PABPC4: variants seen among roughly 807,000 people sequenced by gnomAD.
The protein encoded by PABPC4 is poly(A) binding protein cytoplasmic 4.
PABPC4 carries 15 observed loss-of-function variants against 74.5 expected under a neutral mutation model. That is an observed-to-expected ratio of 0.20 (90% confidence interval 0.13 to 0.31). The LOEUF (loss-of-function observed/expected upper bound fraction) is 0.31, where lower values mean the gene tolerates loss of function less well. Among genes scored for constraint, PABPC4 ranks in the 10% least tolerant of loss-of-function variants. The pLI, the probability that PABPC4 is intolerant of heterozygous loss-of-function variation, is 1.00. For missense variants in PABPC4, 610 were observed against 853.5 expected, an observed-to-expected ratio of 0.71 and a Z score of 3.55; for synonymous variants, 345 against 303.0, an observed-to-expected ratio of 1.14 and a Z score of -1.44.
chr1:39,572,029 G>A (rs56803412), intron 2 of PABPC4, among the ~76,000 whole-genome samples: 3,722 of 152,324 alleles, frequency 0.024, 147 homozygotes, highest in African/African-American at 0.082. Flanking sequence ...GCTCAGCATA[G>A]AACAGATACG....
chr1:39,561,827 C>A lies in PABPC4; in HGVS notation c.1894-40G>T, dbSNP rs375435614. The A allele has an allele frequency of 1.4e-5, 22 of 1,542,956 alleles. No homozygotes were observed. In the African/African-American group the frequency reaches 2.2e-4, roughly 15 times the overall value. ...CAGGTGGTCAGTGAATCTAGGAGAG[C>A]TACTCCACCCCTCCCCAGTGCCCAG... On this transcript the variant is annotated intron_variant, in intron 14 of 15. Transcript: ENST00000372858.
At position 39,571,279 on chromosome 1, in the gene PABPC4, T is replaced by G; in HGVS notation, c.458A>C (p.Lys153Thr). ...CATGCCATTCATCTTCTCGATGGCC[T>G]TGTCGGCAGCCTCTTGGGTCTCGAA... Reference protein sequence around the residue: ...VHFETQEAADKAIEKMNGMLL... With the variant: ...VHFETQEAADTAIEKMNGMLL... Residue 153 changes from lysine to threonine, a missense_variant, in exon 3 of 16, where the codon AAG becomes ACG. Lys to Thr is a moderately conservative substitution (Grantham distance 78, BLOSUM62 -1). Around this residue, in one of 4 missense-constraint regions of PABPC4, gnomAD observed 304 missense variants for 478.9 expected, o/e 0.63. Coordinates refer to ENST00000372858, the MANE Select transcript of PABPC4 (RefSeq NM_001135653.2). The G allele has an allele frequency of 6.2e-7, 1 of 1,614,216 alleles. No homozygotes were observed.
chr1:39,565,586 T>C (rs1019615663), intron 7 of PABPC4, among the ~76,000 whole-genome samples: 2 of 152,032 alleles, frequency 1.3e-5, no homozygotes, highest in Non-Finnish European at 2.9e-5. Flanking sequence ...TCCCAGCACT[T>C]TGGGAGGCCG....
intron 1 of PABPC4, among the ~76,000 whole-genome samples, chr1:39,574,750 T>C (rs1343765127): frequency 6.6e-6 from 1 of 152,226 alleles, no homozygotes; most frequent in East Asian, 1.9e-4. Context: ...TGGAGATGCT[T>C]TGCCATAGAA....
At chr1:39,565,033 C>T (rs1645816516) in intron 8 of PABPC4, 73 bp downstream of exon 8, 4 of 1,507,154 alleles carry the variant, frequency 2.7e-6, no homozygotes, top group Admixed American at 1.7e-5. Context: ...AACGAAAAAT[C>T]CCTCTCCCCA....
intron 12 of PABPC4, 29 bp from the exon 13 acceptor site, chr1:39,562,445 C>G: frequency 6.5e-7 from 1 of 1,549,298 alleles, no homozygotes; most frequent in Admixed American, 1.7e-5. Context: ...AGTGGGTTAG[C>G]ACTGAGGAAA....
At chr1:39,571,529 A>G in intron 2 of PABPC4, 180 bp from the exon 3 acceptor site, 1 of 637,756 alleles carries the variant, frequency 1.6e-6, no homozygotes, top group Non-Finnish European at 2.8e-6. Flanking sequence ...TGTTCCATTT[A>G]CAAAGGTAGC....
At position 39,565,380 on chromosome 1, in the gene PABPC4, T is replaced by C; in HGVS notation, c.973-2A>G. On this transcript the variant is annotated splice_acceptor_variant, in intron 7 of 15. Transcript: ENST00000372858. LOFTEE classifies it high-confidence loss of function. ...GCTTCTTCCATCCTCCAGCATTACC[T>C]ACAAAATGAGACCAGCTACTTAAGA... The C allele has an allele frequency of 6.2e-7, 1 of 1,606,780 alleles. No homozygotes were observed. Among genetic ancestry groups the C allele is most frequent in the Non-Finnish European group, 8.5e-7 (1 of 1,175,254 alleles).
chr1:39,562,618 C>A, intron 12 of PABPC4: 1 of 453,304 alleles, frequency 2.2e-6, no homozygotes, highest in Non-Finnish European at 3.9e-6. Flanking sequence ...TAAACACAAC[C>A]AATTACAATG....
At chr1:39,568,560 G>C (rs540715530) in intron 6 of PABPC4, 1 of 424,938 alleles carries the variant, frequency 2.4e-6, no homozygotes, top group African/African-American at 2.1e-5. Flanking sequence ...ATGGCTAAAA[G>C]CAACAGGCTG....
At chr1:39,564,115 A>T (rs1381091749) in intron 10 of PABPC4, 193 bp from the exon 11 acceptor site, 3 of 621,456 alleles carry the variant, frequency 4.8e-6, no homozygotes, top group East Asian at 5.5e-5. Flanking sequence ...TTCTGTATAC[A>T]CTGTTTCCTT....
rs150138696 is a variant in PABPC4 at position 39,569,796 on chromosome 1, C to T, written c.643+67G>A. On this transcript the variant is annotated intron_variant, in intron 4 of 15. Transcript: ENST00000372858. ...TGAAGCAAATCTCTGGAGCAGTGCC[C>T]TCATCTCTTAAGAAAAAACAGATGG... is the stretch of plus-strand genomic sequence containing the variant. 3.8e-6 allele frequency: 6 copies of T among 1,595,906 alleles called. No homozygotes were observed. The African/African-American group carries it at 6.7e-5, about 18-fold the overall frequency.
chr1:39,573,328 C>T (rs907847723), intron 1 of PABPC4: 3 of 152,238 alleles, frequency 2.0e-5, no homozygotes, highest in Non-Finnish European at 4.4e-5. Flanking sequence ...AAGGATAAAA[C>T]CACCATACCT....
chr1:39,561,624 C>G, intron 15 of PABPC4, 61 bp downstream of exon 15: 1 of 1,209,122 alleles, frequency 8.3e-7, no homozygotes, highest in African/African-American at 1.5e-5. Flanking sequence ...GGTCAAACCA[C>G]AAAGACAATG....
Position 39,569,971 on chromosome 1 carries a change from G to C in PABPC4, c.535C>G (p.Arg179Gly). The stretch of plus-strand genomic sequence containing the variant: ...GCTTTGGCTCCAAGCTCAGCTTCCC[G>C]CTCTTTGCGAGACTTGAATCTGCCC... ...FVGRFKSRKE[R>G]EAELGAKAKE... Residue 179 changes from arginine to glycine, a missense_variant, in exon 4 of 16, where the codon CGG becomes GGG. Transcript: ENST00000372858. 1 of 1,613,916 alleles carries C rather than the reference G, an allele frequency of 6.2e-7. No individual in the cohort carries two copies. The highest frequency in any genetic ancestry group is 8.5e-7 in the Non-Finnish European group (1 of 1,179,958).
In PABPC4 at chr1:39,563,650, A is replaced by C. The variant is rs746587270; in HGVS notation, c.1632T>G (p.Ser544Arg). 3.1e-6 allele frequency: 5 copies of C among 1,614,232 alleles called. No individual in the cohort carries two copies. The highest frequency in any genetic ancestry group is 3.4e-6 in the Non-Finnish European group (4 of 1,180,032). The change falls in exon 12 of 16, where the codon AGT becomes AGG. Residue 544 changes from serine (S) to arginine (R), a missense_variant. Ser to Arg is a moderately radical substitution (Grantham distance 110, BLOSUM62 -1). Coordinates refer to ENST00000372858, the MANE Select transcript of PABPC4 (RefSeq NM_001135653.2). ...GTATGGCAGGATGAGGGCTGCGGAC[A>C]CTGGAGGCGTATTTGTAGGGGGCAA... The part of the protein sequence containing the change: ...RAVAPYKYAS[S>R]VRSPHPAIQP...
chr1:39,572,627 C>T, intron 1 of PABPC4, 41 bp from the exon 2 acceptor site: 1 of 1,507,042 alleles, frequency 6.6e-7, no homozygotes, highest in Non-Finnish European at 9.2e-7. Context: ...GAGAAAACGT[C>T]AGCTCCCACA....
intron 7 of PABPC4, chr1:39,567,514 G>A (rs1266133642): frequency 1.6e-6 from 1 of 630,954 alleles, no homozygotes; most frequent in African/African-American, 1.8e-5. Context: ...GGTGCTCTGA[G>A]TTGGCAAGGA....
chr1:39,568,257 GAAAA>G (rs201261264), intron 6 of PABPC4: 20,402 of 134,966 alleles, frequency 0.15, 1,688 homozygotes, highest in Non-Finnish European at 0.21. Context: ...ACTGTCTCAA[GAAAA>G]AAAAAAAAAA....
Sources: allele counts gnomAD v4.1 joint callset (sites outside exome capture counted in the v4.1 genomes callset), GRCh38; gene constraint gnomAD v4.1.1; regional missense constraint gnomAD v4.1.1; transcripts MANE v1.5; gene names NCBI Gene and HGNC (gene_info 2026-07-23, HGNC 2026-07-21).